VAMP7: variants seen among roughly 807,000 people sequenced by gnomAD.
The protein encoded by VAMP7 is vesicle associated membrane protein 7.
Under a neutral mutation model 29.6 loss-of-function variants are expected in VAMP7, and 14 were observed. That is an observed-to-expected ratio of 0.47 (90% CI 0.31 to 0.74). The LOEUF (loss-of-function observed/expected upper bound fraction) is 0.74. Among genes scored for constraint, VAMP7 ranks in the 30% least tolerant of loss-of-function variants. VAMP7 has a pLI of 0.05. For missense variants in VAMP7, 223 were observed against 262.4 expected (o/e 0.85, Z 1.04); for synonymous variants, 95 against 88.1 (o/e 1.08, Z -0.44).
rs1329229959 is a variant in VAMP7 at position 155,933,337 on chromosome X, C to G, written c.502-6364C>G. On this transcript the variant is annotated intron_variant, in intron 6 of 7. Coordinates refer to ENST00000286448, the MANE Select transcript of VAMP7 (RefSeq NM_005638.6). ...GGCTGTGAATCCATCTGGTCCTGGA[C>G]TTTTTTTGGTTGGTAAGCTATTAAT... 2.0e-5 allele frequency among the ~76,000 whole-genome samples: 3 copies of G among 152,108 alleles called. No homozygotes were observed. In the East Asian group the frequency reaches 5.8e-4, roughly 29 times the overall value.
chrX:155,892,218 T>C (rs180710186), intron 2 of VAMP7, among the ~76,000 whole-genome samples: 4 of 152,286 alleles, frequency 2.6e-5, no homozygotes, highest in African/African-American at 9.6e-5. Flanking sequence ...TTCATGCTTT[T>C]GTTATCTTCT....
At chrX:155,882,521 CCT>C (rs2065814823) in intron 1 of VAMP7, among the ~76,000 whole-genome samples, 1 of 152,034 alleles carries the variant, frequency 6.6e-6, no homozygotes, top group African/African-American at 2.4e-5. Context: ...CTTCTTTTCC[CCT>C]GTCTAAGCAG....
chrX:155,901,518 A>G (rs2066062014), intron 5 of VAMP7, among the ~76,000 whole-genome samples: 1 of 151,930 alleles, frequency 6.6e-6, no homozygotes, highest in African/African-American at 2.4e-5. Context: ...TAGAAACAGC[A>G]AATTTAATCC....
At chrX:155,922,749 G>A (rs1202370491) in intron 6 of VAMP7, among the ~76,000 whole-genome samples, 1 of 151,860 alleles carries the variant, frequency 6.6e-6, no homozygotes, top group Non-Finnish European at 1.5e-5. Flanking sequence ...TCTGAGTTTG[G>A]GTACTATTGG....
rs138625149 is a variant in VAMP7 at position 155,900,199 on chromosome X, C to T, written c.343-298C>T. Among the ~76,000 whole-genome samples, 682 of 151,970 alleles carry T rather than the reference C, an allele frequency of 4.5e-3. 5 individuals are homozygous for T. The highest frequency in any genetic ancestry group is 0.016 in the African/African-American group (651 of 41,478). On this transcript the variant is annotated intron_variant, in intron 4 of 7. Coordinates refer to ENST00000286448, the MANE Select transcript of VAMP7 (RefSeq NM_005638.6). ...TGTCTGAGCACAGATTATATATCCCCCCCAATCTCTGCCCCACAAGTCACA... is the reference window on the plus strand; with the variant it reads ...TGTCTGAGCACAGATTATATATCCCTCCCAATCTCTGCCCCACAAGTCACA...
chrX:155,932,473 G>T (rs1229015006), intron 6 of VAMP7, among the ~76,000 whole-genome samples: 1 of 152,110 alleles, frequency 6.6e-6, no homozygotes, highest in African/African-American at 2.4e-5. Flanking sequence ...TGAAGCAATT[G>T]TGAATGGGAG....
Position 155,943,399 on chromosome X carries a change from C to T in VAMP7, c.*1448C>T, listed in dbSNP as rs2066775619. 6.6e-6 allele frequency: 1 copy of T among 152,250 alleles called. No homozygotes were observed. The highest frequency in any genetic ancestry group is 1.5e-5 in the Non-Finnish European group (1 of 67,996). 9.4% of individuals were successfully genotyped at this position (152,250 alleles called of 1,614,324 possible). On this transcript the variant is annotated 3_prime_UTR_variant, in exon 8 of 8. Transcript: ENST00000286448. ...CATGCTACCTGATTCATTTATTTGA[C>T]ATAGATCTTAGGCCCACTTGAACTC...
Position 155,943,661 on chromosome X carries a change from A to G in VAMP7, c.*1710A>G, listed in dbSNP as rs1217873908. On this transcript the variant is annotated 3_prime_UTR_variant, in exon 8 of 8. Transcript: ENST00000286448. ...TGCATGTTTTAGGGATCAATTACCT[A>G]ACTGTTCCTTGGTCTATTTATGTAT... 1 of 152,180 alleles carries G rather than the reference A, an allele frequency of 6.6e-6. No individual in the cohort carries two copies. Among genetic ancestry groups the G allele is most frequent in the East Asian group, 1.9e-4 (1 of 5,188 alleles). The allele number at this position is 152,180 out of a possible 1,614,324, so 9.4% of individuals were successfully genotyped here. A position where few individuals can be genotyped will look rare whatever the true frequency, so the allele number is the denominator to read the frequency against.
Position 155,941,972 on chromosome X carries a change from A to G in VAMP7, c.*21A>G. ...AATAGGAAAGAAGAAGTTACCATTA[A>G]CCAAGGATATGAGAGAACAAGGAGT... is the stretch of plus-strand genomic sequence containing the variant. On this transcript the variant is annotated 3_prime_UTR_variant, in exon 8 of 8. Coordinates refer to ENST00000286448, the MANE Select transcript of VAMP7 (RefSeq NM_005638.6). The G allele has an allele frequency of 1.9e-6, 3 of 1,613,814 alleles. No homozygotes were observed. Among genetic ancestry groups the G allele is most frequent in the African/African-American group, 2.7e-5 (2 of 75,052 alleles).
chrX:155,942,006 A>G lies in VAMP7; in HGVS notation c.*55A>G, dbSNP rs752268059. 2 of 1,613,492 alleles carry G rather than the reference A, an allele frequency of 1.2e-6. No individual in the cohort carries two copies. Among genetic ancestry groups the G allele is most frequent in the South Asian group, 1.1e-5 (1 of 90,982 alleles). ...ATGAGAGAACAAGGAGTTAAAAGCA[A>G]TCCATGTGACTCAAGCCTTTCACAT... is the stretch of plus-strand genomic sequence containing the variant. On this transcript the variant is annotated 3_prime_UTR_variant, in exon 8 of 8. Coordinates refer to ENST00000286448, the MANE Select transcript of VAMP7 (RefSeq NM_005638.6).
chrX:155,930,783 CAT>C (rs1311913743), intron 6 of VAMP7, among the ~76,000 whole-genome samples: 1 of 151,268 alleles, frequency 6.6e-6, no homozygotes, highest in African/African-American at 2.4e-5. Context: ...CATATGTAAA[CAT>C]GTGCCGTGTT....
chrX:155,927,300 A>G (rs1482513698), intron 6 of VAMP7, among the ~76,000 whole-genome samples: 1 of 151,666 alleles, frequency 6.6e-6, no homozygotes, highest in Non-Finnish European at 1.5e-5. Flanking sequence ...GCAAACCACC[A>G]TGTCACGTGT....
intron 6 of VAMP7, among the ~76,000 whole-genome samples, chrX:155,934,625 G>A (rs1460947290): frequency 6.6e-6 from 1 of 152,124 alleles, no homozygotes; most frequent in Admixed American, 6.5e-5. Context: ...CCTGAATACA[G>A]CACACTGATG....
chrX:155,883,887 G>T (rs1472714920), intron 1 of VAMP7, among the ~76,000 whole-genome samples: 2 of 150,226 alleles, frequency 1.3e-5, no homozygotes, highest in Non-Finnish European at 3.0e-5. Flanking sequence ...ATTTTTTTTT[G>T]TATTTTTAGT....
At chrX:155,908,511 C>T (rs1472565110) in intron 5 of VAMP7, among the ~76,000 whole-genome samples, 1 of 151,804 alleles carries the variant, frequency 6.6e-6, no homozygotes, top group Non-Finnish European at 1.5e-5. Context: ...TTCGGCTGGG[C>T]ATCAGAGGGA....
At chrX:155,921,225 T>G (rs148210330) in intron 6 of VAMP7, among the ~76,000 whole-genome samples, 1,601 of 152,310 alleles carry the variant, frequency 0.011, 14 homozygotes, top group Non-Finnish European at 0.017. Context: ...ACTAATGAAC[T>G]AACAGGTATC....
At chrX:155,938,711 G>A (rs1313787929) in intron 6 of VAMP7, among the ~76,000 whole-genome samples, 1 of 152,152 alleles carries the variant, frequency 6.6e-6, no homozygotes, top group Non-Finnish European at 1.5e-5. Context: ...AGCTACTCAG[G>A]AGGCTGAGGT....
intron 5 of VAMP7, among the ~76,000 whole-genome samples, chrX:155,917,010 G>C (rs764384183): frequency 3.3e-5 from 5 of 152,058 alleles, no homozygotes; most frequent in Admixed American, 2.6e-4. Flanking sequence ...ACATAGGTTT[G>C]GTCTTTTCAT....
At chrX:155,892,843 C>A (rs1193271561) in intron 2 of VAMP7, among the ~76,000 whole-genome samples, 2 of 152,008 alleles carry the variant, frequency 1.3e-5, no homozygotes, top group Admixed American at 6.6e-5. Context: ...ACCTCCACTT[C>A]CTGGGTTCAA....
Sources: allele counts gnomAD v4.1 joint callset (sites outside exome capture counted in the v4.1 genomes callset), GRCh38; gene constraint gnomAD v4.1.1; transcripts MANE v1.5; gene names NCBI Gene and HGNC (gene_info 2026-07-23, HGNC 2026-07-21).